The following FAM91A1 variants were observed in gnomAD, a reference collection of about 807,000 sequenced individuals.
FAM91A1 encodes the protein protein FAM91A1.
FAM91A1 carries 41 observed loss-of-function variants against 113.5 expected under a neutral mutation model. The observed-to-expected ratio is 0.36, with a 90% CI of 0.28 to 0.47. The LOEUF (loss-of-function observed/expected upper bound fraction) is 0.47, where lower values mean the gene tolerates loss of function less well. FAM91A1 is among the 20% of genes least tolerant of loss of function. The probability of loss-of-function intolerance (pLI) is 1.00; values close to 1 mark genes in which losing one functional copy is unlikely to be tolerated. For missense variants in FAM91A1, 696 were observed against 1,001.2 expected, an observed-to-expected ratio of 0.70 and a Z score of 4.11; for synonymous variants, 307 against 347.9, an observed-to-expected ratio of 0.88 and a Z score of 1.31.
At chr8:123,810,177 C>T in intron 22 of FAM91A1, 105 bp from the exon 23 acceptor site, 1 of 1,029,986 alleles carries the variant, frequency 9.7e-7, no homozygotes, top group Non-Finnish European at 1.4e-6. Flanking sequence ...TGTGATTGGC[C>T]AGGATATATA....
At chr8:123,809,299 A>G (rs780596033) in intron 22 of FAM91A1, among the ~76,000 whole-genome samples, 1 of 152,200 alleles carries the variant, frequency 6.6e-6, no homozygotes, top group Non-Finnish European at 1.5e-5. Context: ...GCATGCTGAT[A>G]TGGAGTATGA....
intron 9 of FAM91A1, 196 bp from the exon 10 acceptor site, chr8:123,784,885 T>C: frequency 2.2e-6 from 1 of 454,034 alleles, no homozygotes; most frequent in Non-Finnish European, 3.8e-6. Context: ...TAAATTGTTA[T>C]GGTCACTCCA....
chr8:123,778,190 A>C (rs150893777), intron 5 of FAM91A1, 98 bp downstream of exon 5: 2 of 838,526 alleles, frequency 2.4e-6, no homozygotes, highest in African/African-American at 3.5e-5. Flanking sequence ...TCTTTGACCA[A>C]ATAAAATGTA....
intron 8 of FAM91A1, among the ~76,000 whole-genome samples, chr8:123,781,214 G>A (rs1237355009): frequency 6.6e-6 from 1 of 151,964 alleles, no homozygotes; most frequent in African/African-American, 2.4e-5. Context: ...ATGTCTTGTG[G>A]CATATCTTTT....
At chr8:123,786,095 A>G (rs1815251538) in intron 11 of FAM91A1, 1 of 307,222 alleles carries the variant, frequency 3.3e-6, no homozygotes, top group Non-Finnish European at 6.3e-6. Context: ...TTGGGATTGC[A>G]GGTGTGAGCC....
intron 12 of FAM91A1, 25 bp from the exon 13 acceptor site, chr8:123,787,236 G>A (rs1815280533): frequency 1.3e-6 from 2 of 1,513,146 alleles, no homozygotes; most frequent in Admixed American, 1.8e-5. Context: ...CCATTTACTT[G>A]ATTTTAAATT....
intron 18 of FAM91A1, 109 bp from the exon 19 acceptor site, chr8:123,805,158 G>C: frequency 3.8e-6 from 3 of 783,106 alleles, no homozygotes; most frequent in South Asian, 3.8e-5. Flanking sequence ...TTTTGATGAG[G>C]TATTAATATG....
intron 3 of FAM91A1, among the ~76,000 whole-genome samples, chr8:123,776,086 A>G (rs2130049798): frequency 6.6e-6 from 1 of 152,378 alleles, no homozygotes; most frequent in South Asian, 2.1e-4. Flanking sequence ...GAAATATGTT[A>G]GTAGTCTTGG....
chr8:123,768,693 C>CATTAAAAAAAAAA lies in FAM91A1; in HGVS notation c.-10_-9insATTAAAAAAAAAA. 1 of 1,589,358 alleles carries CATTAAAAAAAAAA rather than the reference C, an allele frequency of 6.3e-7. No homozygotes were observed. Among genetic ancestry groups the CATTAAAAAAAAAA allele is most frequent in the African/African-American group, 1.4e-5 (1 of 73,650 alleles). The stretch of plus-strand genomic sequence containing the variant: ...TGGCGGCCCCGGCCGCCGGCCCTGG[C>CATTAAAAAAAAAA]CGCGGCATCATGAACATAGACGTGG... On this transcript the variant is annotated 5_prime_UTR_variant, in exon 1 of 24. Coordinates refer to ENST00000334705, the MANE Select transcript of FAM91A1 (RefSeq NM_144963.4).
At chr8:123,775,375 G>A in intron 3 of FAM91A1, 77 bp downstream of exon 3, 1 of 1,528,842 alleles carries the variant, frequency 6.5e-7, no homozygotes, top group Non-Finnish European at 8.9e-7. Context: ...ATGTTCACCA[G>A]CTCTTCAGCT....
Position 123,789,701 on chromosome 8 carries a change from A to G in FAM91A1, c.1367A>G (p.Lys456Arg). 1 of 1,613,410 alleles carries G rather than the reference A, an allele frequency of 6.2e-7. No homozygotes were observed. The highest frequency in any genetic ancestry group is 8.5e-7 in the Non-Finnish European group (1 of 1,179,844). Residue 456 changes from lysine (K) to arginine (R), a missense_variant, in exon 15 of 24, where the codon AAA (lysine) becomes AGA (arginine). Lys to Arg is a conservative substitution (Grantham distance 26). Transcript: ENST00000334705. ...ACAATACTGTTTCTGCGTCATAACA[A>G]AGATCTAGTTGCGCAAACTGCACAG... ...RNTILFLRHN[K>R]DLVAQTAQPD...
chr8:123,787,414 A>G (rs746428665), intron 13 of FAM91A1, 41 bp downstream of exon 13: 3 of 1,395,084 alleles, frequency 2.2e-6, no homozygotes. Flanking sequence ...TGTTTAAAAT[A>G]AATACTAGAT....
At chr8:123,785,808 C>A in intron 11 of FAM91A1, 67 bp downstream of exon 11, 1 of 839,620 alleles carries the variant, frequency 1.2e-6, no homozygotes, top group Non-Finnish European at 1.8e-6. Flanking sequence ...ATTTTACATA[C>A]ATAAATTTAT....
chr8:123,769,042 A>G (rs1814776388), intron 1 of FAM91A1, among the ~76,000 whole-genome samples: 1 of 152,220 alleles, frequency 6.6e-6, no homozygotes, highest in Admixed American at 6.5e-5. Flanking sequence ...ACATTCAGCC[A>G]GGCACCTGCG....
rs1456814682 is a variant in FAM91A1 at position 123,778,006 on chromosome 8, G to T, written c.368-19G>T. ...CAAGATATGTTAAATGTTTTTAAAG[G>T]AAAGACTCTTTTTTTCAGGTCTAAG... is the stretch of plus-strand genomic sequence containing the variant. On this transcript the variant is annotated intron_variant, in intron 4 of 23. Coordinates refer to ENST00000334705, the MANE Select transcript of FAM91A1 (RefSeq NM_144963.4). 6.2e-7 allele frequency: 1 copy of T among 1,604,168 alleles called. No homozygotes were observed. The highest frequency in any genetic ancestry group is 1.7e-5 in the Admixed American group (1 of 59,412).
At position 123,768,560 on chromosome 8, in the gene FAM91A1, A is replaced by G; in HGVS notation, c.-143A>G. The G allele has an allele frequency of 1.5e-6, 1 of 655,748 alleles. No individual in the cohort carries two copies. Among genetic ancestry groups the G allele is most frequent in the South Asian group, 2.2e-5 (1 of 45,454 alleles). 40.6% of individuals were successfully genotyped at this position (655,748 alleles called of 1,614,324 possible). A position where few individuals can be genotyped will look rare whatever the true frequency, so the allele number is the denominator to read the frequency against. The stretch of plus-strand genomic sequence containing the variant: ...GGCGGCGCTGAACTGTCGGGAGCCT[A>G]GGCCATGGGGCAGCCTGGGCCTTCT... On this transcript the variant is annotated 5_prime_UTR_variant, in exon 1 of 24. Coordinates refer to ENST00000334705, the MANE Select transcript of FAM91A1 (RefSeq NM_144963.4).
chr8:123,785,129 T>C lies in FAM91A1; in HGVS notation c.849+10T>C. 6.3e-7 allele frequency: 1 copy of C among 1,584,556 alleles called. No homozygotes were observed. The highest frequency in any genetic ancestry group is 8.6e-7 in the Non-Finnish European group (1 of 1,167,794). The stretch of plus-strand genomic sequence containing the variant: ...CTTATCCCTGGTTAAGGTATGTTAT[T>C]TTTATACTCATTTACTGGTGATGTG... On this transcript the variant is annotated intron_variant, in intron 10 of 23. Transcript: ENST00000334705.
chr8:123,785,197 C>A, intron 10 of FAM91A1, 78 bp downstream of exon 10: 3 of 1,201,924 alleles, frequency 2.5e-6, no homozygotes, highest in Non-Finnish European at 3.5e-6. Context: ...TCTTGATAAG[C>A]TACTGAGAAA....
chr8:123,793,730 C>T (rs897189696), intron 15 of FAM91A1, among the ~76,000 whole-genome samples: 1 of 152,258 alleles, frequency 6.6e-6, no homozygotes, highest in South Asian at 2.1e-4. Context: ...CTGGGGATTG[C>T]TATTAGAGAC....
Sources: gnomAD v4.1 joint callset for allele counts (sites outside exome capture counted in the v4.1 genomes callset) on GRCh38, gnomAD v4.1.1 for gene constraint, MANE v1.5 for transcripts, NCBI Gene and HGNC (gene_info 2026-07-23, HGNC 2026-07-21) for gene names.